Variants in DPP6 observed in about 807,000 individuals in gnomAD.
DPP6 encodes the protein A-type potassium channel modulatory protein DPP6.
Under a neutral mutation model 122.6 loss-of-function variants are expected in DPP6, and 69 were observed. The ratio of observed to expected loss-of-function variants is 0.56; its 90% CI spans 0.46 to 0.69. DPP6 has a LOEUF of 0.69. DPP6 is among the 30% of genes least tolerant of loss of function. The pLI, the probability that DPP6 is intolerant of heterozygous loss-of-function variation, is 0.00. For synonymous variants in DPP6, 418 were observed against 433.1 expected, an observed-to-expected ratio of 0.97 and a Z score of 0.43; for missense variants, 928 against 1,116.9, an observed-to-expected ratio of 0.83 and a Z score of 2.41.
chr7:154,436,184 C>G (rs895727116), intron 1 of DPP6, among the ~76,000 whole-genome samples: 1 of 150,940 alleles, frequency 6.6e-6, no homozygotes, highest in African/African-American at 2.5e-5. Context: ...GCACGGTCCA[C>G]GAGGCTGGGC....
intron 1 of DPP6, among the ~76,000 whole-genome samples, chr7:153,922,837 C>T (rs1448916675): frequency 3.3e-5 from 5 of 152,196 alleles, no homozygotes; most frequent in Non-Finnish European, 5.9e-5. Context: ...TAGCGAGCCC[C>T]CAGCACTCTG....
At chr7:154,268,304 G>A (rs1175561397) in intron 1 of DPP6, among the ~76,000 whole-genome samples, 1 of 152,148 alleles carries the variant, frequency 6.6e-6, no homozygotes, top group Non-Finnish European at 1.5e-5. Flanking sequence ...CCGTAAACTG[G>A]GTGGCTTATA....
At chr7:154,379,369 GC>G (rs1329008501) in intron 1 of DPP6, among the ~76,000 whole-genome samples, 1 of 152,074 alleles carries the variant, frequency 6.6e-6, no homozygotes, top group Non-Finnish European at 1.5e-5. Context: ...GTGGTGGGGG[GC>G]TGGGGGAGGG....
intron 3 of DPP6, among the ~76,000 whole-genome samples, chr7:154,480,273 G>T (rs1823141280): frequency 1.3e-5 from 2 of 152,064 alleles, no homozygotes; most frequent in African/African-American, 2.4e-5. Flanking sequence ...CCCCTTTGCA[G>T]CCTGAAGCAG....
At chr7:154,852,481 T>TG in intron 16 of DPP6, among the ~76,000 whole-genome samples, 1 of 145,392 alleles carries the variant, frequency 6.9e-6, no homozygotes, top group African/African-American at 2.5e-5. Context: ...CTGGCTCTCC[T>TG]GCCTCTCCTG....
At chr7:154,664,861 T>C (rs980154303) in intron 6 of DPP6, among the ~76,000 whole-genome samples, 20 of 152,222 alleles carry the variant, frequency 1.3e-4, no homozygotes, top group Admixed American at 1.2e-3. Flanking sequence ...ATTTCTCATG[T>C]CACCACTCCT....
At chr7:154,679,471 C>A (rs1447343670) in intron 7 of DPP6, among the ~76,000 whole-genome samples, 3 of 152,162 alleles carry the variant, frequency 2.0e-5, no homozygotes, top group Non-Finnish European at 4.4e-5. Context: ...ACCTGGGCAA[C>A]CACCAGGGAG....
intron 1 of DPP6, among the ~76,000 whole-genome samples, chr7:154,023,320 A>ACGCGCACGCG (rs372465221): frequency 7.0e-5 from 9 of 127,838 alleles, no homozygotes; most frequent in African/African-American, 2.9e-4. Context: ...TCTTGTCTGC[A>ACGCGCACGCG]CACACACACA....
chr7:153,927,275 T>G (rs1256856333), intron 1 of DPP6, among the ~76,000 whole-genome samples: 2 of 152,230 alleles, frequency 1.3e-5, no homozygotes, highest in African/African-American at 2.4e-5. Context: ...GTCGTGCCAC[T>G]GCACTCTAGC....
intron 3 of DPP6, among the ~76,000 whole-genome samples, chr7:154,510,022 G>A (rs1825941634): frequency 6.6e-6 from 1 of 152,026 alleles, no homozygotes; most frequent in African/African-American, 2.4e-5. Context: ...TATGATGGTG[G>A]GTGCACATGT....
At chr7:154,646,045 A>AAAAAAAAAG (rs1554421912) in intron 6 of DPP6, among the ~76,000 whole-genome samples, 1 of 147,672 alleles carries the variant, frequency 6.8e-6, no homozygotes, top group Admixed American at 6.7e-5. Flanking sequence ...AAAAAAAAAA[A>AAAAAAAAAG]GAAAATACTG....
chr7:153,928,448 G>T (rs1801023658), intron 1 of DPP6, among the ~76,000 whole-genome samples: 1 of 102,450 alleles, frequency 9.8e-6, no homozygotes, highest in African/African-American at 3.7e-5. Flanking sequence ...CACCATGTTG[G>T]CCAGGCTGGT....
chr7:154,823,166 C>G (rs1222243105), intron 16 of DPP6, among the ~76,000 whole-genome samples: 1 of 151,528 alleles, frequency 6.6e-6, no homozygotes, highest in African/African-American at 2.4e-5. Flanking sequence ...TTTTTTTTGC[C>G]CTCGTTTATA....
At chr7:154,344,457 G>A (rs536366317) in intron 1 of DPP6, among the ~76,000 whole-genome samples, 11 of 152,230 alleles carry the variant, frequency 7.2e-5, no homozygotes, top group South Asian at 2.1e-4. Context: ...ACCCTCATAC[G>A]CTGTTGGTGG....
intron 1 of DPP6, among the ~76,000 whole-genome samples, chr7:154,352,557 C>T (rs1172069905): frequency 6.6e-6 from 1 of 152,046 alleles, no homozygotes; most frequent in Non-Finnish European, 1.5e-5. Flanking sequence ...CCATCATTCT[C>T]AGCAAACTAA....
chr7:153,799,900 C>CT, the DPP6 span, among the ~76,000 whole-genome samples: 1 of 152,148 alleles, frequency 6.6e-6, no homozygotes, highest in Non-Finnish European at 1.5e-5. Context: ...TAAAGTATTC[C>CT]TTTTTAGACA....
At chr7:154,401,314 G>A (rs557048747) in intron 1 of DPP6, among the ~76,000 whole-genome samples, 16 of 152,208 alleles carry the variant, frequency 1.1e-4, no homozygotes, top group Non-Finnish European at 1.8e-4. Flanking sequence ...GGATGCCTTA[G>A]AGAAGAAATA....
chr7:154,074,713 C>T (rs1239761390), intron 1 of DPP6, among the ~76,000 whole-genome samples: 1 of 152,182 alleles, frequency 6.6e-6, no homozygotes. Flanking sequence ...GGGTGTGAAG[C>T]TTTATAGCCA....
chr7:154,621,762 T>TC (rs1273829981), intron 5 of DPP6, among the ~76,000 whole-genome samples: 1 of 152,084 alleles, frequency 6.6e-6, no homozygotes, highest in Non-Finnish European at 1.5e-5. Flanking sequence ...TTCTCTTCCC[T>TC]CCTCATGCCT....
Sources: allele counts gnomAD v4.1 joint callset (sites outside exome capture counted in the v4.1 genomes callset), GRCh38; gene constraint gnomAD v4.1.1; transcripts MANE v1.5; gene names NCBI Gene and HGNC (gene_info 2026-07-23, HGNC 2026-07-21).